ESYT2: variants seen among roughly 807,000 people sequenced by gnomAD.
ESYT2 encodes extended synaptotagmin 2.
A neutral mutation model predicts 107.2 loss-of-function variants in ESYT2; 54 were observed. That is an observed-to-expected ratio of 0.50 (90% CI 0.40 to 0.63). The LOEUF (loss-of-function observed/expected upper bound fraction) is 0.63, where lower values mean the gene tolerates loss of function less well. Ranked by LOEUF, ESYT2 falls within the 30% of genes least tolerant of loss-of-function variation. The pLI, the probability that ESYT2 is intolerant of heterozygous loss-of-function variation, is 0.00. For missense variants in ESYT2, 1,020 were observed against 1,094.5 expected (o/e 0.93, Z 0.96); for synonymous variants, 491 against 434.1 (o/e 1.13, Z -1.63).
At chr7:158,813,961 A>T (rs1470189497) in intron 1 of ESYT2, among the ~76,000 whole-genome samples, 1 of 152,156 alleles carries the variant, frequency 6.6e-6, no homozygotes, top group African/African-American at 2.4e-5. Flanking sequence ...ACTCTCACAG[A>T]TCAAAAACAT....
chr7:158,821,739 G>C (rs1157653556), intron 1 of ESYT2, among the ~76,000 whole-genome samples: 1 of 152,186 alleles, frequency 6.6e-6, no homozygotes, highest in African/African-American at 2.4e-5. Flanking sequence ...CCTTCTACCA[G>C]GTGGAGGAGT....
rs1840549669 is a variant in ESYT2 at position 158,829,069 on chromosome 7, G to C, written c.330+20C>G. 3 of 1,578,222 alleles carry C rather than the reference G, an allele frequency of 1.9e-6. No individual in the cohort carries two copies. The highest frequency in any genetic ancestry group is 2.6e-6 in the Non-Finnish European group (3 of 1,171,932). On this transcript the variant is annotated intron_variant, in intron 1 of 22. Transcript: ENST00000275418. ...GGGACTGGTGGTCAGGGGTCGGGACGGGCAGGGGTCTGCACTCACCCAGGC... is the reference window on the plus strand; with the variant it reads ...GGGACTGGTGGTCAGGGGTCGGGACCGGCAGGGGTCTGCACTCACCCAGGC...
At chr7:158,809,529 T>A (rs1839936322) in intron 1 of ESYT2, among the ~76,000 whole-genome samples, 1 of 145,646 alleles carries the variant, frequency 6.9e-6, no homozygotes, top group Non-Finnish European at 1.5e-5. Flanking sequence ...AAAGTATTTG[T>A]ATAAACGCTT....
At chr7:158,814,423 T>C (rs1310520119) in intron 1 of ESYT2, among the ~76,000 whole-genome samples, 1 of 150,676 alleles carries the variant, frequency 6.6e-6, no homozygotes, top group Non-Finnish European at 1.5e-5. Flanking sequence ...CTCGTCCCGA[T>C]TACTCTCACA....
At chr7:158,761,647 G>T in intron 10 of ESYT2, 103 bp from the exon 11 acceptor site, 1 of 1,058,746 alleles carries the variant, frequency 9.4e-7, no homozygotes, top group South Asian at 1.4e-5. Context: ...ACAACCTTAA[G>T]CATTTGTCTA....
At position 158,735,495 on chromosome 7, in the gene ESYT2, G is replaced by A. The variant is rs1836901071; in HGVS notation, c.2505+8C>T. On this transcript the variant is annotated splice_region_variant and intron_variant, in intron 21 of 22. Transcript: ENST00000275418. ...CAGGAACTGGTTGAGGATTCGTTTG[G>A]CACTTACTTTGCCAAGGAGCCCTTT... 4 of 1,610,178 alleles carry A rather than the reference G, an allele frequency of 2.5e-6. No homozygotes were observed. In the East Asian group the frequency reaches 8.9e-5, roughly 36 times the overall value.
intron 6 of ESYT2, among the ~76,000 whole-genome samples, chr7:158,776,980 G>A (rs1772712316): frequency 6.6e-6 from 1 of 151,232 alleles, no homozygotes; most frequent in South Asian, 2.1e-4. Flanking sequence ...AGCCTCCCAA[G>A]TAGCTGGGAC....
intron 15 of ESYT2, among the ~76,000 whole-genome samples, chr7:158,748,645 T>C (rs1330151639): frequency 6.6e-6 from 1 of 152,092 alleles, no homozygotes; most frequent in Non-Finnish European, 1.5e-5. Flanking sequence ...CTTGGGCACG[T>C]CTCTTAAACT....
chr7:158,808,586 TGAA>T (rs2129473896), intron 1 of ESYT2, among the ~76,000 whole-genome samples: 1 of 152,302 alleles, frequency 6.6e-6, no homozygotes, highest in East Asian at 1.9e-4. Context: ...TCTGTGAAAC[TGAA>T]GAAGGAAAAT....
intron 1 of ESYT2, among the ~76,000 whole-genome samples, chr7:158,822,504 G>C (rs1414222695): frequency 2.0e-5 from 3 of 152,290 alleles, no homozygotes; most frequent in Non-Finnish European, 2.9e-5. Context: ...GCTCACACCT[G>C]TAATCAGAGC....
intron 13 of ESYT2, among the ~76,000 whole-genome samples, chr7:158,756,417 G>C (rs1481713814): frequency 6.6e-6 from 1 of 152,232 alleles, no homozygotes; most frequent in Non-Finnish European, 1.5e-5. Context: ...TGTCTTAAAA[G>C]AAAGTGAATC....
chr7:158,735,617 G>C lies in ESYT2; in HGVS notation c.2400-9C>G. On this transcript the variant is annotated splice_polypyrimidine_tract_variant and intron_variant, in intron 20 of 22. Transcript: ENST00000275418. ...AAACACTGAAATCAAAGCTGAAATAGGAAACGAGAGCCTTACTTTATCCAT... is the reference window on the plus strand; with the variant it reads ...AAACACTGAAATCAAAGCTGAAATACGAAACGAGAGCCTTACTTTATCCAT... 1.2e-6 allele frequency: 2 copies of C among 1,607,310 alleles called. No homozygotes were observed. The highest frequency in any genetic ancestry group is 1.7e-6 in the Non-Finnish European group (2 of 1,174,064).
chr7:158,818,132 C>T (rs1840196757), intron 1 of ESYT2, among the ~76,000 whole-genome samples: 3 of 152,170 alleles, frequency 2.0e-5, no homozygotes, highest in Admixed American at 2.0e-4. Flanking sequence ...AGTCACTAAC[C>T]AGCACTTATT....
chr7:158,793,861 C>G, intron 3 of ESYT2, 135 bp from the exon 4 acceptor site: 1 of 709,468 alleles, frequency 1.4e-6, no homozygotes, highest in Non-Finnish European at 2.3e-6. Flanking sequence ...GCCTTCATAA[C>G]AGAGTGTGGC....
rs1262244588 is a variant in ESYT2 at position 158,732,683 on chromosome 7, GC to G, written c.*1523del. On this transcript the variant is annotated 3_prime_UTR_variant, in exon 23 of 23. Transcript: ENST00000275418. ...AAGGGAGGGTGGGTAGACGCCACCC[GC>G]CCCGTCACAGGCACTTTGGTTTGTT... The G allele has an allele frequency of 2.0e-5, 3 of 152,600 alleles. No homozygotes were observed. The highest frequency in any genetic ancestry group is 4.4e-5 in the Non-Finnish European group (3 of 68,024). 9.5% of individuals were successfully genotyped at this position (152,600 alleles called of 1,614,324 possible).
intron 14 of ESYT2, among the ~76,000 whole-genome samples, chr7:158,751,688 A>G (rs1837590319): frequency 6.6e-6 from 1 of 152,258 alleles, no homozygotes; most frequent in Non-Finnish European, 1.5e-5. Context: ...AATTTCATGA[A>G]GAGGATACTA....
intron 20 of ESYT2, among the ~76,000 whole-genome samples, chr7:158,736,218 G>C (rs548747634): frequency 2.8e-5 from 4 of 143,344 alleles, no homozygotes; most frequent in South Asian, 4.4e-4. Context: ...GGAGCACCCT[G>C]CACAACCTCA....
At chr7:158,820,586 T>C (rs908556516) in intron 1 of ESYT2, among the ~76,000 whole-genome samples, 4 of 151,620 alleles carry the variant, frequency 2.6e-5, no homozygotes, top group African/African-American at 9.7e-5. Context: ...AGCCCAGGAG[T>C]TCAAGACCAG....
chr7:158,748,957 C>G (rs1441814708), intron 15 of ESYT2, among the ~76,000 whole-genome samples: 1 of 152,030 alleles, frequency 6.6e-6, no homozygotes, highest in African/African-American at 2.4e-5. Context: ...CTTTTCAAGT[C>G]GTAATTCTAA....
Sources: gnomAD v4.1 joint callset for allele counts (sites outside exome capture counted in the v4.1 genomes callset) on GRCh38, gnomAD v4.1.1 for gene constraint, MANE v1.5 for transcripts, NCBI Gene and HGNC (gene_info 2026-07-23, HGNC 2026-07-21) for gene names.